The following SHISA9 variants were observed in gnomAD, a reference collection of about 807,000 sequenced individuals.
SHISA9 encodes the protein protein shisa-9.
Under a neutral mutation model 38.0 loss-of-function variants are expected in SHISA9, and 13 were observed. The ratio of observed to expected loss-of-function variants is 0.34; its 90% CI spans 0.22 to 0.54. The LOEUF (loss-of-function observed/expected upper bound fraction) is 0.54. Among genes scored for constraint, SHISA9 ranks in the 20% least tolerant of loss-of-function variants. The pLI is 0.91. For synonymous variants in SHISA9, 275 were observed against 242.0 expected, an observed-to-expected ratio of 1.14 and a Z score of -1.27; for missense variants, 538 against 575.8, an observed-to-expected ratio of 0.93 and a Z score of 0.67.
intron 2 of SHISA9, among the ~76,000 whole-genome samples, chr16:13,015,951 TTTCCCTTCCC>T (rs1567182503): frequency 3.2e-4 from 2 of 6,344 alleles, no homozygotes; most frequent in Admixed American, 1.9e-3. Flanking sequence ...CCTTCTCTCT[TTTCCCTTCCC>T]TTCCCTTCCC....
the SHISA9 span, among the ~76,000 whole-genome samples, chr16:13,415,272 G>A: frequency 0.72 from 108,973 of 152,128 alleles, 39,392 homozygotes; most frequent in Admixed American, 0.82. Flanking sequence ...AAAGAATATC[G>A]TGTGCTTTGC....
the SHISA9 span, among the ~76,000 whole-genome samples, chr16:13,413,090 G>A: frequency 1.2e-4 from 18 of 152,048 alleles, no homozygotes; most frequent in African/African-American, 2.9e-4. Flanking sequence ...ATGAAAACTC[G>A]GGGAACTTTT....
At chr16:13,434,435 T>TTTTTTTTTTTTTTTTTTTTTGG in the SHISA9 span, among the ~76,000 whole-genome samples, 1 of 149,978 alleles carries the variant, frequency 6.7e-6, no homozygotes, top group Admixed American at 6.7e-5. Flanking sequence ...TTTTTTTTTT[T>TTTTTTTTTTTTTTTTTTTTTGG]GAGATCGAGT....
the SHISA9 span, among the ~76,000 whole-genome samples, chr16:13,303,354 GATAA>G: frequency 6.6e-6 from 1 of 152,260 alleles, no homozygotes; most frequent in African/African-American, 2.4e-5. Context: ...TGATTAAGTG[GATAA>G]ATAAATTGTG....
At chr16:13,007,120 A>G (rs141705928) in intron 2 of SHISA9, among the ~76,000 whole-genome samples, 506 of 152,316 alleles carry the variant, frequency 3.3e-3, no homozygotes, top group Middle Eastern at 6.8e-3. Flanking sequence ...ACAACGTACA[A>G]CACAGACTAA....
intron 2 of SHISA9, among the ~76,000 whole-genome samples, chr16:13,177,474 T>C (rs1294537724): frequency 6.6e-5 from 10 of 152,218 alleles, no homozygotes; most frequent in Admixed American, 6.5e-4. Flanking sequence ...CATTCAGTTC[T>C]TCATAATATC....
chr16:13,027,992 A>C (rs1027607498), intron 2 of SHISA9, among the ~76,000 whole-genome samples: 1 of 150,772 alleles, frequency 6.6e-6, no homozygotes, highest in African/African-American at 2.4e-5. Context: ...TAAAAAGTGT[A>C]TATTGTATGA....
At chr16:13,228,779 G>A (rs189564935) in intron 4 of SHISA9, among the ~76,000 whole-genome samples, 7 of 152,084 alleles carry the variant, frequency 4.6e-5, no homozygotes, top group Admixed American at 3.3e-4. Flanking sequence ...GGGGTTTGTC[G>A]TACAGATTAT....
At chr16:13,177,045 C>G (rs948314411) in intron 2 of SHISA9, among the ~76,000 whole-genome samples, 1 of 152,176 alleles carries the variant, frequency 6.6e-6, no homozygotes, top group Non-Finnish European at 1.5e-5. Context: ...AAGCCTGATT[C>G]TCTCTGCATT....
chr16:12,910,755 C>G (rs1215818785), intron 1 of SHISA9: 2 of 977,644 alleles, frequency 2.0e-6, no homozygotes, highest in East Asian at 1.1e-4. Context: ...TCTAGAGAAA[C>G]AGAACAAATA....
chr16:13,284,374 A>C, the SHISA9 span, among the ~76,000 whole-genome samples: 1 of 152,198 alleles, frequency 6.6e-6, no homozygotes, highest in South Asian at 2.1e-4. Context: ...TTCCATGGAC[A>C]AAAACAGAAG....
downstream of SHISA9, among the ~76,000 whole-genome samples, chr16:13,243,737 G>A (rs12928591): frequency 0.065 from 9,701 of 149,446 alleles, 376 homozygotes; most frequent in Non-Finnish European, 0.086. Context: ...TGTTTCAGGG[G>A]CCTTAGAATT....
At chr16:13,266,082 A>G in the SHISA9 span, among the ~76,000 whole-genome samples, 1 of 152,196 alleles carries the variant, frequency 6.6e-6, no homozygotes, top group Non-Finnish European at 1.5e-5. Flanking sequence ...GTGATTCTTA[A>G]AATATGTTTT....
chr16:13,148,944 G>A (rs143578480), intron 2 of SHISA9, among the ~76,000 whole-genome samples: 54 of 152,266 alleles, frequency 3.5e-4, no homozygotes, highest in Non-Finnish European at 6.6e-4. Context: ...CTGGGATTAT[G>A]TAACTCCAAC....
At chr16:13,018,879 C>A (rs917899797) in intron 2 of SHISA9, among the ~76,000 whole-genome samples, 1 of 152,166 alleles carries the variant, frequency 6.6e-6, no homozygotes, top group Non-Finnish European at 1.5e-5. Context: ...GTCCCAGAAC[C>A]GAAGAACGCT....
chr16:13,027,835 T>C (rs983276051), intron 2 of SHISA9, among the ~76,000 whole-genome samples: 6 of 142,170 alleles, frequency 4.2e-5, no homozygotes, highest in Non-Finnish European at 9.0e-5. Context: ...GCTTAGACAG[T>C]AGAATCACTT....
At chr16:13,218,020 AAGGAAGGG>A (rs542215566) in intron 4 of SHISA9, among the ~76,000 whole-genome samples, 2 of 139,496 alleles carry the variant, frequency 1.4e-5, no homozygotes, top group South Asian at 5.6e-4. Flanking sequence ...AGAAGGAAGG[AAGGAAGGG>A]AGGGAGGGAG....
intron 2 of SHISA9, among the ~76,000 whole-genome samples, chr16:13,077,626 G>A (rs1394951553): frequency 6.6e-6 from 1 of 152,178 alleles, no homozygotes; most frequent in Non-Finnish European, 1.5e-5. Flanking sequence ...GTGAGAAGTA[G>A]TAGCCTGCTC....
At chr16:13,030,898 C>G (rs1411331234) in intron 2 of SHISA9, among the ~76,000 whole-genome samples, 1 of 152,102 alleles carries the variant, frequency 6.6e-6, no homozygotes, top group Non-Finnish European at 1.5e-5. Flanking sequence ...CAGGGGAGTT[C>G]TAAGTATTGG....
Sources: allele counts gnomAD v4.1 joint callset (sites outside exome capture counted in the v4.1 genomes callset), GRCh38; gene constraint gnomAD v4.1.1; transcripts MANE v1.5; gene names NCBI Gene and HGNC (gene_info 2026-07-23, HGNC 2026-07-21).